OLFML2A: variants seen among roughly 807,000 people sequenced by gnomAD.
OLFML2A encodes olfactomedin like 2A, also known as olfactomedin-like protein 2A.
In OLFML2A, 47 loss-of-function variants were observed where a neutral mutation model predicts 60.9. The ratio of observed to expected loss-of-function variants is 0.77; its 90% CI spans 0.61 to 0.98. The LOEUF (loss-of-function observed/expected upper bound fraction) is 0.98. Ranked by LOEUF, OLFML2A falls within the 50% of genes least tolerant of loss-of-function variation. The pLI is 0.00. For synonymous variants in OLFML2A, 372 were observed against 375.0 expected, an observed-to-expected ratio of 0.99 and a Z score of 0.09; for missense variants, 922 against 879.8, an observed-to-expected ratio of 1.05 and a Z score of -0.61.
intron 1 of OLFML2A, among the ~76,000 whole-genome samples, chr9:124,785,954 A>T (rs979378274): frequency 6.6e-6 from 1 of 151,910 alleles, no homozygotes; most frequent in Non-Finnish European, 1.5e-5. Context: ...TCTCTACAGA[A>T]AATTTAAAAA....
intron 2 of OLFML2A, among the ~76,000 whole-genome samples, chr9:124,791,547 G>T (rs529890308): frequency 2.6e-5 from 4 of 152,148 alleles, no homozygotes; most frequent in African/African-American, 9.6e-5. Context: ...GACCAGCCTG[G>T]CCAACGTGAC....
chr9:124,812,843 G>A lies in OLFML2A; in HGVS notation c.*2431G>A, dbSNP rs1190583741. The stretch of plus-strand genomic sequence containing the variant: ...AGGGGCAAGCAGCATTGCATTCTGG[G>A]GGAACGATCCTGGCCACAGCCGCCA... On this transcript the variant is annotated 3_prime_UTR_variant, in exon 8 of 8. Transcript: ENST00000373580. 3 of 152,214 alleles carry A rather than the reference G, an allele frequency of 2.0e-5. No homozygotes were observed. The highest frequency in any genetic ancestry group is 4.4e-5 in the Non-Finnish European group (3 of 68,062). The allele number at this position is 152,214 out of a possible 1,614,324, so 9.4% of individuals were successfully genotyped here.
chr9:124,791,514 A>T (rs1841567678), intron 2 of OLFML2A, among the ~76,000 whole-genome samples: 1 of 152,198 alleles, frequency 6.6e-6, no homozygotes, highest in Non-Finnish European at 1.5e-5. Context: ...AGACAGGTGG[A>T]TCACCTGAGG....
At chr9:124,801,801 A>G in intron 5 of OLFML2A, 138 bp downstream of exon 5, 2 of 969,538 alleles carry the variant, frequency 2.1e-6, no homozygotes, top group Non-Finnish European at 3.0e-6. Flanking sequence ...CTGCTCATTC[A>G]CATATGAGGA....
In OLFML2A at chr9:124,813,343, A is replaced by T. The variant is rs1842057010; in HGVS notation, c.*2931A>T. 1 of 152,284 alleles carries T rather than the reference A, an allele frequency of 6.6e-6. No homozygotes were observed. Among genetic ancestry groups the T allele is most frequent in the African/African-American group, 2.4e-5 (1 of 41,472 alleles). The allele number at this position is 152,284 out of a possible 1,614,324, so 9.4% of individuals were successfully genotyped here. On this transcript the variant is annotated 3_prime_UTR_variant, in exon 8 of 8. Coordinates refer to ENST00000373580, the MANE Select transcript of OLFML2A (RefSeq NM_182487.4). ...AAGTGGAGAACCAGGTTTCAAAATC[A>T]GGTAAGAAAACCATCATCATTAACT...
intron 1 of OLFML2A, among the ~76,000 whole-genome samples, chr9:124,783,108 C>T (rs1186104254): frequency 6.6e-6 from 1 of 151,958 alleles, no homozygotes; most frequent in East Asian, 1.9e-4. Context: ...CCAGGACACA[C>T]CCATAGCTAG....
chr9:124,804,175 C>A lies in OLFML2A; in HGVS notation c.1001C>A (p.Ser334Tyr). ...AGGTCCAACTCCGCAGAGCCCAACT[C>A]CGCAGAGCAGGATGAGGCTGAGCCC... ...EGRSNSAEPN[S>Y]AEQDEAEPRS... Residue 334 changes from serine (S) to tyrosine (Y), a missense_variant, in exon 6 of 8, where the codon TCC becomes TAC. Coordinates refer to ENST00000373580, the MANE Select transcript of OLFML2A (RefSeq NM_182487.4). The A allele has an allele frequency of 6.2e-7, 1 of 1,614,122 alleles. No individual in the cohort carries two copies. Among genetic ancestry groups the A allele is most frequent in the African/African-American group, 1.3e-5 (1 of 75,048 alleles).
At position 124,814,315 on chromosome 9, in the gene OLFML2A, GT is replaced by G. The variant is rs949641420; in HGVS notation, c.*3905del. 10 of 152,412 alleles carry G rather than the reference GT, an allele frequency of 6.6e-5. No individual in the cohort carries two copies. The highest frequency in any genetic ancestry group is 8.8e-5 in the Non-Finnish European group (6 of 68,202). 9.4% of individuals were successfully genotyped at this position (152,412 alleles called of 1,614,324 possible). On this transcript the variant is annotated 3_prime_UTR_variant, in exon 8 of 8. Coordinates refer to ENST00000373580, the MANE Select transcript of OLFML2A (RefSeq NM_182487.4). The stretch of plus-strand genomic sequence containing the variant: ...CTGGCTGGGAGTTAGGGAGCCCTGG[GT>G]TGGAATCCAGCCCCACCTCTTTTAT...
intron 6 of OLFML2A, among the ~76,000 whole-genome samples, chr9:124,805,435 C>T (rs1841873015): frequency 6.6e-6 from 1 of 152,042 alleles, no homozygotes; most frequent in Non-Finnish European, 1.5e-5. Context: ...CCTGGCAGAA[C>T]CTTGAAATCA....
At chr9:124,782,215 T>G (rs940136531) in intron 1 of OLFML2A, among the ~76,000 whole-genome samples, 3 of 152,130 alleles carry the variant, frequency 2.0e-5, no homozygotes, top group African/African-American at 7.2e-5. Flanking sequence ...TGGGTGGCCA[T>G]GAGAGGGGCA....
chr9:124,783,131 C>T (rs907195507), intron 1 of OLFML2A, among the ~76,000 whole-genome samples: 5 of 151,954 alleles, frequency 3.3e-5, no homozygotes, highest in Non-Finnish European at 5.9e-5. Context: ...ACCCTCCTCC[C>T]CACGCTCCCT....
At position 124,810,191 on chromosome 9, in the gene OLFML2A, C is replaced by T. The variant is rs760856868; in HGVS notation, c.1738C>T (p.Leu580=). 19 of 1,613,796 alleles carry T rather than the reference C, an allele frequency of 1.2e-5. No individual in the cohort carries two copies. The highest frequency in any genetic ancestry group is 1.5e-5 in the Non-Finnish European group (18 of 1,180,036). ...GCGGAACTCCTACGGGAACTGCTTC[C>T]TGGTGTGCGGCATCCTGTATGCCGT... ...LRRNSYGNCF[L]VCGILYAVDT... is the part of the protein sequence containing the mutation. Residue 580 remains leucine (L), a synonymous_variant, in exon 8 of 8, where the codon CTG becomes TTG. Coordinates refer to ENST00000373580, the MANE Select transcript of OLFML2A (RefSeq NM_182487.4).
rs986838896 is a variant in OLFML2A at position 124,814,831 on chromosome 9, A to C, written c.*4419A>C. On this transcript the variant is annotated 3_prime_UTR_variant, in exon 8 of 8. Transcript: ENST00000373580. ...TAAGTTGCTGAGATATCTGTTTTGC[A>C]ACAAGATGGGCTATATCTAAATAAA... is the stretch of plus-strand genomic sequence containing the variant. 3 of 152,222 alleles carry C rather than the reference A, an allele frequency of 2.0e-5. No homozygotes were observed. The highest frequency in any genetic ancestry group is 6.5e-5 in the Admixed American group (1 of 15,274). The allele number at this position is 152,222 out of a possible 1,614,324, so 9.4% of individuals were successfully genotyped here. A position where few individuals can be genotyped will look rare whatever the true frequency, so the allele number is the denominator to read the frequency against.
intron 5 of OLFML2A, 74 bp downstream of exon 5, chr9:124,801,737 C>T: frequency 6.8e-7 from 1 of 1,466,578 alleles, no homozygotes; most frequent in Non-Finnish European, 9.3e-7. Flanking sequence ...ATCTTCTCTG[C>T]AGTGGGACCA....
At position 124,795,040 on chromosome 9, in the gene OLFML2A, A is replaced by G. The variant is rs200167193; in HGVS notation, c.371A>G (p.Asp124Gly). ...PELLKLQSMV[D>G]LLEGTLYSMD... is the part of the protein sequence containing the mutation. ...CCCGGGCAGCTGCAGTCCATGGTGGATCTCCTGGAGGGCACCCTGTACAGC... is the reference window on the plus strand; with the variant it reads ...CCCGGGCAGCTGCAGTCCATGGTGGGTCTCCTGGAGGGCACCCTGTACAGC... The change falls in exon 3 of 8, where the codon GAT becomes GGT. Residue 124 changes from aspartate (D) to glycine (G), a missense_variant. Asp to Gly is a moderately conservative substitution (Grantham distance 94, BLOSUM62 -1). Coordinates refer to ENST00000373580, the MANE Select transcript of OLFML2A (RefSeq NM_182487.4). 1.9e-6 allele frequency: 3 copies of G among 1,603,902 alleles called. No homozygotes were observed. The Admixed American group carries it at 5.1e-5, about 27-fold the overall frequency.
At chr9:124,784,220 G>A (rs1001675433) in intron 1 of OLFML2A, among the ~76,000 whole-genome samples, 5 of 150,252 alleles carry the variant, frequency 3.3e-5, no homozygotes, top group African/African-American at 1.2e-4. Context: ...TTTTGTCTGA[G>A]ACAGACAGAG....
Position 124,801,636 on chromosome 9 carries a change from A to G in OLFML2A, c.892A>G (p.Lys298Glu), listed in dbSNP as rs757802311. ...IRGFTYYKAG[K>E]QEVTEAVADN... ...GGGCTTCACCTACTACAAGGCAGGC[A>G]AGCAGGAGGTGACCGAGGCGGTGGC... The change falls in exon 5 of 8, where the codon AAG (lysine) becomes GAG (glutamate). Residue 298 changes from lysine to glutamate, a missense_variant. Transcript: ENST00000373580. 1 of 1,613,522 alleles carries G rather than the reference A, an allele frequency of 6.2e-7. No individual in the cohort carries two copies. The highest frequency in any genetic ancestry group is 8.5e-7 in the Non-Finnish European group (1 of 1,179,858).
chr9:124,777,251 C>A lies in OLFML2A; in HGVS notation c.-20C>A. On this transcript the variant is annotated 5_prime_UTR_variant, in exon 1 of 8. Transcript: ENST00000373580. The surrounding 1 kb of genome is among the most constrained non-coding windows in gnomAD (Gnocchi z 6.2). ...CAGCGTCCGTGCCCGGCCGCCTGTG[C>A]CTACCGTGCCCGTGGCGCCATGGCC... 9.7e-7 allele frequency: 1 copy of A among 1,033,726 alleles called. No individual in the cohort carries two copies. Among genetic ancestry groups the A allele is most frequent in the Non-Finnish European group, 1.2e-6 (1 of 807,340 alleles). The allele number at this position is 1,033,726 out of a possible 1,614,324, so 64.0% of individuals were successfully genotyped here. A position where few individuals can be genotyped will look rare whatever the true frequency, so the allele number is the denominator to read the frequency against.
At chr9:124,791,073 G>A (rs981690395) in intron 2 of OLFML2A, among the ~76,000 whole-genome samples, 5 of 152,166 alleles carry the variant, frequency 3.3e-5, no homozygotes, top group African/African-American at 4.8e-5. Context: ...CTCCTGCCTC[G>A]AGGAGTCCCC....
Sources: gnomAD v4.1 joint callset for allele counts (sites outside exome capture counted in the v4.1 genomes callset) on GRCh38, gnomAD v4.1.1 for gene constraint, Gnocchi (gnomAD v3.1) non-coding constraint, MANE v1.5 for transcripts, NCBI Gene and HGNC (gene_info 2026-07-23, HGNC 2026-07-21) for gene names.